The following MARK1 variants were observed in gnomAD, a reference collection of about 807,000 sequenced individuals.
The protein encoded by MARK1 is microtubule affinity regulating kinase 1, also known as serine/threonine-protein kinase MARK1.
A neutral mutation model predicts 96.3 loss-of-function variants in MARK1; 40 were observed. That is an observed-to-expected ratio of 0.42 (90% CI 0.32 to 0.54). The LOEUF (loss-of-function observed/expected upper bound fraction) is 0.54, where lower values mean the gene tolerates loss of function less well. Among genes scored for constraint, MARK1 ranks in the 20% least tolerant of loss-of-function variants. The pLI is 0.16. For synonymous variants in MARK1, 317 were observed against 341.2 expected, an observed-to-expected ratio of 0.93 and a Z score of 0.78; for missense variants, 719 against 984.6, an observed-to-expected ratio of 0.73 and a Z score of 3.61.
At chr1:220,611,020 A>T (rs981383307) in intron 6 of MARK1, among the ~76,000 whole-genome samples, 13 of 152,164 alleles carry the variant, frequency 8.5e-5, no homozygotes, top group Admixed American at 2.0e-4. Flanking sequence ...CAGTTAGGCT[A>T]CATGGGGGTC....
intron 3 of MARK1, among the ~76,000 whole-genome samples, chr1:220,590,271 G>A (rs544762197): frequency 6.6e-6 from 1 of 152,286 alleles, no homozygotes; most frequent in East Asian, 1.9e-4. Context: ...TCTAGATTTG[G>A]AGGGTTATCA....
chr1:220,532,052 A>G (rs989957216), intron 1 of MARK1, among the ~76,000 whole-genome samples: 1 of 152,168 alleles, frequency 6.6e-6, no homozygotes, highest in African/African-American at 2.4e-5. Context: ...CTAATTATTA[A>G]TGGGTCAAAA....
chr1:220,661,180 A>G (rs553109626), intron 17 of MARK1, among the ~76,000 whole-genome samples: 4 of 152,128 alleles, frequency 2.6e-5, no homozygotes, highest in Non-Finnish European at 5.9e-5. Context: ...GGAAGGAGAA[A>G]AATTCTAGGA....
intron 9 of MARK1, chr1:220,627,276 G>A: frequency 1.0e-5 from 5 of 499,980 alleles, no homozygotes; most frequent in South Asian, 7.6e-5. Context: ...ACTCTGATGA[G>A]GTGAGAGAGG....
At position 220,654,435 on chromosome 1, in the gene MARK1, G is replaced by A. The variant is rs1669060089; in HGVS notation, c.1988+1083G>A. On this transcript the variant is annotated intron_variant, in intron 16 of 17. Coordinates refer to ENST00000366917, the MANE Select transcript of MARK1 (RefSeq NM_018650.5). This position sits in a 1 kb window ranked among gnomAD's most constrained non-coding sequence, Gnocchi z 4.0. ...TGTCATGGAGCTATTTATAGGCTTG[G>A]TTCATACATCAGTTTGCCCAGTATC... Among the ~76,000 whole-genome samples the A allele has an allele frequency of 6.6e-6, 1 of 152,192 alleles. No homozygotes were observed. Among genetic ancestry groups the A allele is most frequent in the Non-Finnish European group, 1.5e-5 (1 of 68,040 alleles).
chr1:220,624,170 C>T (rs541814119), intron 9 of MARK1, among the ~76,000 whole-genome samples: 3 of 151,596 alleles, frequency 2.0e-5, no homozygotes, highest in South Asian at 2.1e-4. Context: ...TGGTGGCGAG[C>T]GCCTGTAATC....
At chr1:220,653,416 TA>T in intron 16 of MARK1, 64 bp downstream of exon 16, 1 of 1,479,850 alleles carries the variant, frequency 6.8e-7, no homozygotes, top group South Asian at 1.3e-5. Flanking sequence ...CTAGACTTTT[TA>T]AAAAAATCTT....
Position 220,528,443 on chromosome 1 carries a change from T to G in MARK1, c.-380T>G, listed in dbSNP as rs1660059445. On this transcript the variant is annotated 5_prime_UTR_variant, in exon 1 of 18. The change creates a new upstream start codon in the 5' untranslated region. Transcript: ENST00000366917. ...TCGCCAGGACGAGCCAGGCAGTGAT[T>G]TGAGGCACCGGCTTCACCTTCACCC... 9.0e-6 allele frequency: 2 copies of G among 222,906 alleles called. No homozygotes were observed. Among genetic ancestry groups the G allele is most frequent in the Non-Finnish European group, 1.7e-5 (2 of 114,350 alleles). 13.8% of individuals were successfully genotyped at this position (222,906 alleles called of 1,614,324 possible).
At chr1:220,604,255 T>C in intron 6 of MARK1, 118 bp downstream of exon 6, 1 of 531,488 alleles carries the variant, frequency 1.9e-6, no homozygotes, top group Non-Finnish European at 3.3e-6. Context: ...TCCTGCTTTC[T>C]TATATTTTTA....
chr1:220,567,043 A>G (rs1663111356), intron 1 of MARK1, among the ~76,000 whole-genome samples: 1 of 152,130 alleles, frequency 6.6e-6, no homozygotes, highest in South Asian at 2.1e-4. Flanking sequence ...TAGTATCTTG[A>G]GTTTGTTTTC....
rs775708485 is a variant in MARK1 at position 220,654,986 on chromosome 1, C to T, written c.1988+1634C>T. Among the ~76,000 whole-genome samples the T allele has an allele frequency of 2.8e-4, 43 of 152,334 alleles. No homozygotes were observed. Among genetic ancestry groups the T allele is most frequent in the East Asian group, 2.1e-3 (11 of 5,188 alleles). On this transcript the variant is annotated intron_variant, in intron 16 of 17. Coordinates refer to ENST00000366917, the MANE Select transcript of MARK1 (RefSeq NM_018650.5). The surrounding 1 kb of genome is among the most constrained non-coding windows in gnomAD (Gnocchi z 4.0). ...AACACATATGTGGAGACCTACTACACGCAAGGCCCTTTTGTAGGAGCTATT... is the reference window on the plus strand; with the variant it reads ...AACACATATGTGGAGACCTACTACATGCAAGGCCCTTTTGTAGGAGCTATT...
At chr1:220,635,574 C>G in intron 12 of MARK1, 45 bp downstream of exon 12, 2 of 1,580,450 alleles carry the variant, frequency 1.3e-6, no homozygotes, top group Non-Finnish European at 1.7e-6. Context: ...CGGGTTCTTC[C>G]CAAATTTGTG....
intron 1 of MARK1, among the ~76,000 whole-genome samples, chr1:220,560,179 C>G (rs532381986): frequency 2.2e-4 from 33 of 152,204 alleles, no homozygotes; most frequent in Non-Finnish European, 3.1e-4. Context: ...AAACTGCCCC[C>G]CCATGATTCG....
chr1:220,606,305 G>A (rs1666075879), intron 6 of MARK1, among the ~76,000 whole-genome samples: 1 of 152,098 alleles, frequency 6.6e-6, no homozygotes, highest in Non-Finnish European at 1.5e-5. Context: ...TGTGTCTGTT[G>A]GCTGCATAGA....
chr1:220,559,732 A>G (rs1430993207), intron 1 of MARK1, among the ~76,000 whole-genome samples: 1 of 152,226 alleles, frequency 6.6e-6, no homozygotes, highest in Admixed American at 6.5e-5. Context: ...GGCAGTGGGT[A>G]GGCTGCAGTT....
chr1:220,653,703 A>G (rs531376191), intron 16 of MARK1, among the ~76,000 whole-genome samples: 2 of 152,302 alleles, frequency 1.3e-5, no homozygotes, highest in South Asian at 2.1e-4. Flanking sequence ...ATTTATCTTG[A>G]CAATACTTTT....
At chr1:220,551,035 G>C (rs564950863) in intron 1 of MARK1, among the ~76,000 whole-genome samples, 3 of 152,290 alleles carry the variant, frequency 2.0e-5, no homozygotes, top group African/African-American at 7.2e-5. Flanking sequence ...GTGACATGGG[G>C]GAGTAAAACA....
intron 1 of MARK1, among the ~76,000 whole-genome samples, chr1:220,551,477 T>C (rs2102743365): frequency 6.6e-6 from 1 of 152,324 alleles, no homozygotes; most frequent in South Asian, 2.1e-4. Context: ...ATTTTAAGTA[T>C]GAGATTTAGC....
chr1:220,565,934 G>A (rs1389065345), intron 1 of MARK1, among the ~76,000 whole-genome samples: 1 of 152,110 alleles, frequency 6.6e-6, no homozygotes, highest in African/African-American at 2.4e-5. Context: ...TTAATGTTGG[G>A]ATAGGAGGAA....
Sources: allele counts gnomAD v4.1 joint callset (sites outside exome capture counted in the v4.1 genomes callset), GRCh38; gene constraint gnomAD v4.1.1; non-coding constraint Gnocchi (gnomAD v3.1); transcripts MANE v1.5; gene names NCBI Gene and HGNC (gene_info 2026-07-23, HGNC 2026-07-21).